GLG1: variants seen among roughly 807,000 people sequenced by gnomAD.
GLG1 encodes the protein Golgi apparatus protein 1.
Under a neutral mutation model 160.5 loss-of-function variants are expected in GLG1, and 38 were observed. That is an observed-to-expected ratio of 0.24 (90% confidence interval 0.18 to 0.31). The LOEUF (loss-of-function observed/expected upper bound fraction) is 0.31, where lower values mean the gene tolerates loss of function less well. GLG1 is among the 10% of genes least tolerant of loss of function. The probability of loss-of-function intolerance (pLI) is 1.00; values close to 1 mark genes in which losing one functional copy is unlikely to be tolerated. For synonymous variants in GLG1, 644 were observed against 543.4 expected (o/e 1.19, Z -2.57); for missense variants, 1,373 against 1,505.2 (o/e 0.91, Z 1.45).
At chr16:74,471,419 A>T in intron 14 of GLG1, 133 bp from the exon 15 acceptor site, 1 of 641,836 alleles carries the variant, frequency 1.6e-6, no homozygotes, top group Non-Finnish European at 2.8e-6. Context: ...CATAAATTGT[A>T]ATCAAAATAA....
intron 3 of GLG1, among the ~76,000 whole-genome samples, chr16:74,504,494 G>C (rs563264442): frequency 6.2e-4 from 94 of 152,076 alleles, no homozygotes; most frequent in Admixed American, 2.6e-4. Flanking sequence ...TGTCATGTTG[G>C]CCAGGCTGGT....
chr16:74,553,213 C>G (rs1484216154), intron 1 of GLG1, among the ~76,000 whole-genome samples: 3 of 145,260 alleles, frequency 2.1e-5, no homozygotes, highest in Non-Finnish European at 3.0e-5. Context: ...AGAGCAAACT[C>G]TGTCTCAAAA....
chr16:74,471,191 T>A lies in GLG1; in HGVS notation c.2211A>T (p.Gly737=), dbSNP rs1294182415. 1 of 1,603,698 alleles carries A rather than the reference T, an allele frequency of 6.2e-7. No homozygotes were observed. Among genetic ancestry groups the A allele is most frequent in the Non-Finnish European group, 8.5e-7 (1 of 1,170,500 alleles). ...CACTGACCAGCTGGAAGTGGGTAAC[T>A]CCGATGGCACACTTCTCGTTCATGT... The part of the protein sequence containing the change: ...QKDMNEKCAI[G]VTHFQLVQMK... Residue 737 remains glycine (G), a synonymous_variant, in exon 15 of 26, where the codon GGA becomes GGT. Transcript: ENST00000422840.
intron 1 of GLG1, among the ~76,000 whole-genome samples, chr16:74,604,598 T>C (rs1597392128): frequency 6.6e-6 from 1 of 152,270 alleles, no homozygotes. Context: ...CAAATAGTTC[T>C]ACTTACTGAA....
chr16:74,483,219 G>C (rs1362871960), intron 9 of GLG1, 95 bp from the exon 10 acceptor site: 2 of 740,132 alleles, frequency 2.7e-6, no homozygotes, highest in South Asian at 1.6e-5. Flanking sequence ...GCGGCTTTTA[G>C]TTATTTTCTT....
At chr16:74,477,301 A>C in intron 12 of GLG1, 95 bp downstream of exon 12, 5 of 957,180 alleles carry the variant, frequency 5.2e-6, no homozygotes, top group Non-Finnish European at 8.5e-6. Context: ...TGTAAGGTAA[A>C]GAGAGATGGA....
chr16:74,560,935 TA>T (rs1381246886), intron 1 of GLG1, among the ~76,000 whole-genome samples: 10 of 147,178 alleles, frequency 6.8e-5, no homozygotes, highest in African/African-American at 2.5e-4. Flanking sequence ...TATAAAGGCA[TA>T]AAAATATGTG....
At position 74,455,360 on chromosome 16, in the gene GLG1, C is replaced by T. The variant is rs1348385896; in HGVS notation, c.3372+1289G>A. 2.0e-5 allele frequency among the ~76,000 whole-genome samples: 3 copies of T among 152,100 alleles called. No individual in the cohort carries two copies. In the East Asian group the frequency reaches 5.8e-4, roughly 29 times the overall value. ...CGTGAGATGAATGAGATTTGAGCTC[C>T]AATAGTTGCCAACACAAAACAAGCC... On this transcript the variant is annotated intron_variant, in intron 25 of 25. Transcript: ENST00000422840.
In GLG1 at chr16:74,467,665, A is replaced by C; in HGVS notation, c.2529+91T>G. 3.5e-6 allele frequency: 3 copies of C among 858,574 alleles called. No homozygotes were observed. The South Asian group carries it at 4.7e-5, about 13-fold the overall frequency. The allele number at this position is 858,574 out of a possible 1,614,324, so 53.2% of individuals were successfully genotyped here. A position where few individuals can be genotyped will look rare whatever the true frequency, so the allele number is the denominator to read the frequency against. On this transcript the variant is annotated intron_variant, in intron 18 of 25. Coordinates refer to ENST00000422840, the MANE Select transcript of GLG1 (RefSeq NM_001145667.2). ...TCACCAGCAAAAAATTCATGACTAA[A>C]ATGTTACCTTATGGGCACTAGCTTT...
At position 74,462,194 on chromosome 16, in the gene GLG1, C is replaced by A; in HGVS notation, c.2936G>T (p.Arg979Leu). 6.4e-7 allele frequency: 1 copy of A among 1,563,824 alleles called. No homozygotes were observed. Among genetic ancestry groups the A allele is most frequent in the African/African-American group, 1.4e-5 (1 of 73,720 alleles). Residue 979 changes from arginine to leucine, a missense_variant and splice_region_variant, in exon 22 of 26, where the codon CGC becomes CTC. This residue lies in a region of GLG1 where 491 missense variants were observed against 632.1 expected (regional missense o/e 0.78). Coordinates refer to ENST00000422840, the MANE Select transcript of GLG1 (RefSeq NM_001145667.2). The stretch of plus-strand genomic sequence containing the variant: ...CTGGTCTTCACAGTCTGAAGACAGG[C>A]GCTGCATGTGACAAAGGGAGGATAC... ...SCLKLRYADQ[R>L]LSSDCEDQIR...
At chr16:74,468,042 T>G in intron 17 of GLG1, 194 bp from the exon 18 acceptor site, 1 of 517,198 alleles carries the variant, frequency 1.9e-6, no homozygotes. Flanking sequence ...GGACCTTCTT[T>G]GCAAAACACA....
chr16:74,535,452 G>A (rs1336290221), intron 1 of GLG1, among the ~76,000 whole-genome samples: 2 of 152,094 alleles, frequency 1.3e-5, no homozygotes, highest in African/African-American at 2.4e-5. Context: ...ATTTAGTTTT[G>A]AGATAGAGTC....
At chr16:74,463,726 G>GTTTT (rs60022447) in intron 19 of GLG1, among the ~76,000 whole-genome samples, 183 of 94,052 alleles carry the variant, frequency 1.9e-3, no homozygotes, top group Admixed American at 4.4e-3. Context: ...TCATTTTTGT[G>GTTTT]TTTTTTTTGT....
chr16:74,483,962 A>G (rs1218681680), intron 9 of GLG1, among the ~76,000 whole-genome samples: 1 of 152,072 alleles, frequency 6.6e-6, no homozygotes, highest in East Asian at 1.9e-4. Context: ...CCCGGCCCAG[A>G]TATTTTCAAT....
chr16:74,496,173 C>T (rs542427632), intron 5 of GLG1, among the ~76,000 whole-genome samples: 1 of 151,904 alleles, frequency 6.6e-6, no homozygotes, highest in Non-Finnish European at 1.5e-5. Flanking sequence ...GAGGCTGAGG[C>T]AGAAGAATCG....
chr16:74,469,865 G>A (rs2015133545), intron 16 of GLG1, 120 bp downstream of exon 16: 6 of 711,536 alleles, frequency 8.4e-6, no homozygotes, highest in Admixed American at 2.0e-5. Context: ...GGAGAGATGC[G>A]GGAGGCCTCC....
intron 2 of GLG1, among the ~76,000 whole-genome samples, chr16:74,521,604 G>A (rs2017166571): frequency 6.6e-6 from 1 of 152,118 alleles, no homozygotes; most frequent in East Asian, 1.9e-4. Context: ...GGAAGAGAAG[G>A]TTTAGGGGCA....
intron 1 of GLG1, among the ~76,000 whole-genome samples, chr16:74,604,343 A>G (rs527472430): frequency 6.6e-6 from 1 of 152,360 alleles, no homozygotes; most frequent in South Asian, 2.1e-4. Context: ...AGAGAAGACA[A>G]GAATTCGGAA....
chr16:74,580,708 A>G (rs1957919558), intron 1 of GLG1, among the ~76,000 whole-genome samples: 1 of 152,252 alleles, frequency 6.6e-6, no homozygotes, highest in Admixed American at 6.5e-5. Flanking sequence ...CCAAATCAAT[A>G]GAGTGAAAAG....
Sources: allele counts gnomAD v4.1 joint callset (sites outside exome capture counted in the v4.1 genomes callset), GRCh38; gene constraint gnomAD v4.1.1; regional missense constraint gnomAD v4.1.1; transcripts MANE v1.5; gene names NCBI Gene and HGNC (gene_info 2026-07-23, HGNC 2026-07-21).